IGF2BP3: variants seen among roughly 807,000 people sequenced by gnomAD.
IGF2BP3 encodes insulin-like growth factor 2 mRNA-binding protein 3.
Under a neutral mutation model 73.8 loss-of-function variants are expected in IGF2BP3, and 9 were observed. The observed-to-expected ratio is 0.12, with a 90% confidence interval of 0.07 to 0.21. The LOEUF (loss-of-function observed/expected upper bound fraction) is 0.21, where lower values mean the gene tolerates loss of function less well. Ranked by LOEUF, IGF2BP3 falls within the 10% of genes least tolerant of loss-of-function variation. The pLI is 1.00. For synonymous variants in IGF2BP3, 258 were observed against 256.7 expected (o/e 1.01, Z -0.05); for missense variants, 542 against 714.0 (o/e 0.76, Z 2.75).
At chr7:23,313,929 A>G (rs184424280) in intron 12 of IGF2BP3, among the ~76,000 whole-genome samples, 3 of 152,356 alleles carry the variant, frequency 2.0e-5, no homozygotes, top group Admixed American at 2.0e-4. Context: ...TTAATAACCT[A>G]ATAAAAACGA....
At chr7:23,396,745 T>C (rs1476760169) in intron 3 of IGF2BP3, among the ~76,000 whole-genome samples, 1 of 152,090 alleles carries the variant, frequency 6.6e-6, no homozygotes, top group African/African-American at 2.4e-5. Context: ...AGAAAATGTA[T>C]GCAAAAAGTC....
intron 2 of IGF2BP3, among the ~76,000 whole-genome samples, chr7:23,458,557 C>G (rs932671936): frequency 1.3e-5 from 2 of 152,178 alleles, no homozygotes; most frequent in Admixed American, 6.5e-5. Flanking sequence ...CAATCAGCCT[C>G]CTGAGACAAA....
intron 2 of IGF2BP3, among the ~76,000 whole-genome samples, chr7:23,430,393 C>A (rs559285205): frequency 1.2e-3 from 186 of 152,294 alleles, no homozygotes; most frequent in African/African-American, 4.0e-3. Context: ...TGCAAAAAAA[C>A]TGGAACACAA....
intron 10 of IGF2BP3, 30 bp downstream of exon 10, chr7:23,342,034 C>A: frequency 6.6e-7 from 1 of 1,525,906 alleles, no homozygotes; most frequent in South Asian, 1.3e-5. Flanking sequence ...TTTGCCCAAT[C>A]ACAAAGAAAG....
At chr7:23,406,269 C>T (rs1467303584) in intron 3 of IGF2BP3, among the ~76,000 whole-genome samples, 4 of 152,108 alleles carry the variant, frequency 2.6e-5, no homozygotes, top group South Asian at 2.1e-4. Context: ...AAGTGCACAA[C>T]CACGCAAGGT....
chr7:23,466,733 C>T (rs1178560339), intron 2 of IGF2BP3, among the ~76,000 whole-genome samples: 1 of 152,196 alleles, frequency 6.6e-6, no homozygotes, highest in African/African-American at 2.4e-5. Context: ...TAATCCCCTA[C>T]ACCTGGGGAG....
At chr7:23,322,620 C>G (rs535025552) in intron 10 of IGF2BP3, among the ~76,000 whole-genome samples, 2,805 of 152,160 alleles carry the variant, frequency 0.018, 83 homozygotes, top group African/African-American at 0.064. Context: ...ACATAATTGT[C>G]AGATTCACCA....
In IGF2BP3 at chr7:23,355,219, A is replaced by T. The variant is rs112841884; in HGVS notation, c.402-3633T>A. On this transcript the variant is annotated intron_variant, in intron 5 of 14. Transcript: ENST00000258729. ...CTCAGGAGCCTGGTTTTGTCTTTTT[A>T]TTTTTATTTTTTTTTTTTTTGAGAC... Among the ~76,000 whole-genome samples, 298 of 124,266 alleles carry T rather than the reference A, an allele frequency of 2.4e-3. 4 individuals are homozygous for T. Among genetic ancestry groups the T allele is most frequent in the African/African-American group, 0.012 (274 of 22,462 alleles). 81.5% of individuals were successfully genotyped at this position (124,266 alleles called of 152,430 possible). A position where few individuals can be genotyped will look rare whatever the true frequency, so the allele number is the denominator to read the frequency against.
chr7:23,443,923 C>T (rs753735475), intron 2 of IGF2BP3, among the ~76,000 whole-genome samples: 1 of 152,066 alleles, frequency 6.6e-6, no homozygotes, highest in Non-Finnish European at 1.5e-5. Context: ...GCAGGAGAAT[C>T]GCTTGAACCC....
intron 3 of IGF2BP3, chr7:23,413,933 A>T (rs980726693): frequency 3.9e-5 from 6 of 152,290 alleles, no homozygotes; most frequent in African/African-American, 1.4e-4. Flanking sequence ...CGGGCAGATC[A>T]CAAGGTCAAG....
At position 23,454,126 on chromosome 7, in the gene IGF2BP3, C is replaced by A. The variant is rs573777262; in HGVS notation, c.236+14356G>T. ...ACCGTGCCCAGCCTAGATTGGATAT[C>A]TTTTTGTACACAGACTGACTTTTCA... On this transcript the variant is annotated intron_variant, in intron 2 of 14. Coordinates refer to ENST00000258729, the MANE Select transcript of IGF2BP3 (RefSeq NM_006547.3). Among the ~76,000 whole-genome samples the A allele has an allele frequency of 5.4e-4, 82 of 152,246 alleles. 1 individual carries two copies. Among genetic ancestry groups the A allele is most frequent in the African/African-American group, 1.9e-3 (81 of 41,560 alleles).
chr7:23,435,327 A>G (rs2128543237), intron 2 of IGF2BP3, among the ~76,000 whole-genome samples: 1 of 151,206 alleles, frequency 6.6e-6, no homozygotes, highest in South Asian at 2.1e-4. Context: ...AAAAATCCTG[A>G]AAATGATGAA....
At chr7:23,363,359 C>T (rs1449410296) in intron 3 of IGF2BP3, among the ~76,000 whole-genome samples, 2 of 152,090 alleles carry the variant, frequency 1.3e-5, no homozygotes, top group African/African-American at 2.4e-5. Flanking sequence ...AACCCTCCCA[C>T]CCCAGCTTTC....
chr7:23,465,088 A>G (rs1022286135), intron 2 of IGF2BP3, among the ~76,000 whole-genome samples: 1 of 152,188 alleles, frequency 6.6e-6, no homozygotes, highest in African/African-American at 2.4e-5. Context: ...AGCCCACAAC[A>G]TAACAAAAAA....
intron 10 of IGF2BP3, among the ~76,000 whole-genome samples, chr7:23,327,341 C>A (rs1271573416): frequency 6.8e-6 from 1 of 146,574 alleles, no homozygotes; most frequent in Non-Finnish European, 1.5e-5. Context: ...AGTGCAGTGG[C>A]GCAATCTCGG....
chr7:23,376,932 T>C (rs1785741020), intron 3 of IGF2BP3, among the ~76,000 whole-genome samples: 1 of 152,184 alleles, frequency 6.6e-6, no homozygotes, highest in Admixed American at 6.5e-5. Flanking sequence ...TCTGTTCAAT[T>C]GTCACTAAAG....
chr7:23,330,748 A>G (rs952983355), intron 10 of IGF2BP3, among the ~76,000 whole-genome samples: 1 of 151,334 alleles, frequency 6.6e-6, no homozygotes, highest in African/African-American at 2.4e-5. Flanking sequence ...CGGTGTGAAA[A>G]CAGACTAATA....
At chr7:23,430,069 CAT>C (rs1446546562) in intron 2 of IGF2BP3, among the ~76,000 whole-genome samples, 1 of 150,972 alleles carries the variant, frequency 6.6e-6, no homozygotes, top group Admixed American at 6.6e-5. Context: ...TAACTTGTAA[CAT>C]GTTCTTCTTT....
chr7:23,468,709 G>A (rs1372343125), intron 1 of IGF2BP3, among the ~76,000 whole-genome samples, 167 bp from the exon 2 acceptor site: 1 of 152,236 alleles, frequency 6.6e-6, no homozygotes, highest in African/African-American at 2.4e-5. Context: ...CCCTCGAGCG[G>A]CGTGGGCATT....
Sources: gnomAD v4.1 joint callset for allele counts (sites outside exome capture counted in the v4.1 genomes callset) on GRCh38, gnomAD v4.1.1 for gene constraint, MANE v1.5 for transcripts, NCBI Gene and HGNC (gene_info 2026-07-23, HGNC 2026-07-21) for gene names.